Variants in UBLCP1 observed in about 807,000 individuals in gnomAD.
UBLCP1 encodes the protein ubiquitin-like domain-containing CTD phosphatase 1.
Under a neutral mutation model 42.4 loss-of-function variants are expected in UBLCP1, and 28 were observed. The observed-to-expected ratio is 0.66, with a 90% confidence interval of 0.49 to 0.90. The LOEUF (loss-of-function observed/expected upper bound fraction) is 0.90, where lower values mean the gene tolerates loss of function less well. UBLCP1 is among the 40% of genes least tolerant of loss of function. The pLI, the probability that UBLCP1 is intolerant of heterozygous loss-of-function variation, is 0.00. For missense variants in UBLCP1, 279 were observed against 374.5 expected, an observed-to-expected ratio of 0.75 and a Z score of 2.10; for synonymous variants, 122 against 120.8, an observed-to-expected ratio of 1.01 and a Z score of -0.07.
At chr5:159,283,642 A>C (rs1038881352) in intron 10 of UBLCP1, among the ~76,000 whole-genome samples, 2 of 152,088 alleles carry the variant, frequency 1.3e-5, no homozygotes, top group African/African-American at 2.4e-5. Context: ...TAGGTAAGCT[A>C]CTCCTTTATG....
Position 159,285,989 on chromosome 5 carries a change from T to TA in UBLCP1, c.*1059dup, listed in dbSNP as rs1473671649. ...AAAGAAACATGGTGTATATTGTTCT[T>TA]ACAGGACTAATTTCAGTGGTGTAAA... On this transcript the variant is annotated 3_prime_UTR_variant, in exon 11 of 11. Coordinates refer to ENST00000296786, the MANE Select transcript of UBLCP1 (RefSeq NM_145049.5). 1 of 152,780 alleles carries TA rather than the reference T, an allele frequency of 6.5e-6. No individual in the cohort carries two copies. The highest frequency in any genetic ancestry group is 1.9e-4 in the East Asian group (1 of 5,342). The allele number at this position is 152,780 out of a possible 1,614,324, so 9.5% of individuals were successfully genotyped here. A position where few individuals can be genotyped will look rare whatever the true frequency, so the allele number is the denominator to read the frequency against.
intron 9 of UBLCP1, among the ~76,000 whole-genome samples, chr5:159,279,125 A>T (rs1052967859): frequency 6.6e-6 from 1 of 152,236 alleles, no homozygotes. Flanking sequence ...AGCTAGAAGG[A>T]ACCACAGTCA....
intron 1 of UBLCP1, among the ~76,000 whole-genome samples, chr5:159,265,923 A>T (rs1477210905): frequency 2.0e-5 from 3 of 152,088 alleles, no homozygotes; most frequent in African/African-American, 7.2e-5. Flanking sequence ...ACCTAAGGTG[A>T]TTCACCTGCC....
intron 6 of UBLCP1, among the ~76,000 whole-genome samples, chr5:159,274,148 CA>C (rs1481242847): frequency 6.6e-6 from 1 of 152,062 alleles, no homozygotes; most frequent in Non-Finnish European, 1.5e-5. Flanking sequence ...AGCTGGTTTT[CA>C]ACATAAACTT....
intron 9 of UBLCP1, 141 bp downstream of exon 9, chr5:159,278,495 T>C (rs908942840): frequency 2.4e-5 from 17 of 695,078 alleles, no homozygotes; most frequent in African/African-American, 2.3e-4. Flanking sequence ...TAAGAATAAT[T>C]CATATAGAAA....
chr5:159,281,482 C>T (rs970013162), intron 9 of UBLCP1, among the ~76,000 whole-genome samples: 4 of 152,196 alleles, frequency 2.6e-5, no homozygotes, highest in Non-Finnish European at 4.4e-5. Flanking sequence ...TGCTCGGAAA[C>T]AGCACTGCTG....
intron 1 of UBLCP1, among the ~76,000 whole-genome samples, chr5:159,266,960 C>T (rs1451228937): frequency 6.6e-6 from 1 of 152,176 alleles, no homozygotes; most frequent in Non-Finnish European, 1.5e-5. Flanking sequence ...GGGTGGGGCC[C>T]TCATGGGGAA....
chr5:159,268,791 C>A, intron 1 of UBLCP1, 79 bp from the exon 2 acceptor site: 2 of 1,065,476 alleles, frequency 1.9e-6, no homozygotes, highest in Non-Finnish European at 2.7e-6. Context: ...AAGGCTTAAA[C>A]TGTACACATA....
intron 5 of UBLCP1, among the ~76,000 whole-genome samples, chr5:159,271,737 T>G (rs993419684): frequency 6.6e-6 from 1 of 152,200 alleles, no homozygotes; most frequent in Non-Finnish European, 1.5e-5. Flanking sequence ...ATCTAAACTT[T>G]AGAGACTAGG....
intron 6 of UBLCP1, among the ~76,000 whole-genome samples, chr5:159,273,051 T>C (rs981752403): frequency 2.0e-5 from 3 of 152,154 alleles, no homozygotes; most frequent in Admixed American, 2.0e-4. Flanking sequence ...AGAGAAATTA[T>C]GTTAGTTGTT....
intron 9 of UBLCP1, among the ~76,000 whole-genome samples, chr5:159,281,743 A>G (rs778210507): frequency 1.3e-5 from 2 of 152,114 alleles, no homozygotes; most frequent in African/African-American, 4.8e-5. Context: ...CCTACACTTA[A>G]TAGGTATGGT....
intron 6 of UBLCP1, chr5:159,274,312 T>A (rs1753507820): frequency 3.4e-6 from 1 of 293,906 alleles, no homozygotes; most frequent in Non-Finnish European, 6.4e-6. Flanking sequence ...TAGGTCTTGA[T>A]TTATAAATTT....
chr5:159,270,614 T>C lies in UBLCP1; in HGVS notation c.419T>C (p.Leu140Ser). ...LNPPREGKKL[L>S]VLDVDYTLFD... ...CCTCCCAGGGAAGGGAAAAAGCTTT[T>C]GGTGCTAGATGTTGATTATACATTA... The change falls in exon 5 of 11, where the codon TTG becomes TCG. Residue 140 changes from leucine (L) to serine (S), a missense_variant. Leu to Ser is a moderately radical substitution (Grantham distance 145). Coordinates refer to ENST00000296786, the MANE Select transcript of UBLCP1 (RefSeq NM_145049.5). 6.2e-7 allele frequency: 1 copy of C among 1,608,124 alleles called. No homozygotes were observed. The highest frequency in any genetic ancestry group is 8.5e-7 in the Non-Finnish European group (1 of 1,178,114).
chr5:159,274,557 T>C (rs761869850), intron 6 of UBLCP1, 28 bp from the exon 7 acceptor site: 1 of 1,597,934 alleles, frequency 6.3e-7, no homozygotes, highest in Non-Finnish European at 8.5e-7. Context: ...TTTTCATATG[T>C]ATTGTATTAT....
intron 6 of UBLCP1, among the ~76,000 whole-genome samples, chr5:159,273,434 C>T (rs934165338): frequency 6.6e-6 from 1 of 152,142 alleles, no homozygotes; most frequent in Admixed American, 6.5e-5. Context: ...TCTGTTCTTA[C>T]TGTGTGACAC....
chr5:159,268,834 C>G (rs140117226), intron 1 of UBLCP1, 36 bp from the exon 2 acceptor site: 1 of 1,451,858 alleles, frequency 6.9e-7, no homozygotes, highest in African/African-American at 1.4e-5. Flanking sequence ...TAAACAGTAT[C>G]TATTTTAACT....
intron 10 of UBLCP1, among the ~76,000 whole-genome samples, chr5:159,284,275 A>G (rs1297012722): frequency 1.3e-5 from 2 of 152,146 alleles, no homozygotes; most frequent in Admixed American, 1.3e-4. Flanking sequence ...AAGTTTGCTG[A>G]TTTTAGGAAC....
intron 3 of UBLCP1, 56 bp downstream of exon 3, chr5:159,270,055 T>A: frequency 4.4e-6 from 6 of 1,349,022 alleles, no homozygotes; most frequent in Non-Finnish European, 6.2e-6. Flanking sequence ...TGATTTATAC[T>A]ACACTGTTGT....
At chr5:159,280,547 C>T (rs1753595968) in intron 9 of UBLCP1, among the ~76,000 whole-genome samples, 1 of 152,196 alleles carries the variant, frequency 6.6e-6, no homozygotes, top group East Asian at 1.9e-4. Flanking sequence ...AAGCGATCCA[C>T]CTATCTCGGC....
Sources: gnomAD v4.1 joint callset for allele counts (sites outside exome capture counted in the v4.1 genomes callset) on GRCh38, gnomAD v4.1.1 for gene constraint, MANE v1.5 for transcripts, NCBI Gene and HGNC (gene_info 2026-07-23, HGNC 2026-07-21) for gene names.